DENND1B: variants seen among roughly 807,000 people sequenced by gnomAD.
DENND1B encodes the protein DENN domain containing 1B, also known as DENN domain-containing protein 1B.
A neutral mutation model predicts 90.1 loss-of-function variants in DENND1B; 59 were observed. The ratio of observed to expected loss-of-function variants is 0.65; its 90% CI spans 0.53 to 0.81. DENND1B has a LOEUF of 0.81. DENND1B is among the 40% of genes least tolerant of loss of function. The pLI is 0.00. For synonymous variants in DENND1B, 337 were observed against 324.6 expected (o/e 1.04, Z -0.41); for missense variants, 862 against 912.6 (o/e 0.94, Z 0.71).
At chr1:197,662,108 T>C (rs943536387) in intron 5 of DENND1B, among the ~76,000 whole-genome samples, 1 of 152,054 alleles carries the variant, frequency 6.6e-6, no homozygotes, top group Non-Finnish European at 1.5e-5. Context: ...AAACTATGAC[T>C]TCATCTATAA....
intron 20 of DENND1B, among the ~76,000 whole-genome samples, chr1:197,524,513 C>T (rs932738637): frequency 5.3e-5 from 8 of 152,008 alleles, no homozygotes; most frequent in Non-Finnish European, 1.0e-4. Context: ...TTTACATTCC[C>T]GCAGGGGGTC....
intron 2 of DENND1B, among the ~76,000 whole-genome samples, chr1:197,720,416 T>G (rs1571493077): frequency 1.3e-5 from 2 of 152,122 alleles, no homozygotes; most frequent in East Asian, 3.9e-4. Flanking sequence ...TTTTTTTTTC[T>G]TTTTTGTAAA....
intron 2 of DENND1B, among the ~76,000 whole-genome samples, chr1:197,731,078 G>T (rs962238446): frequency 6.6e-6 from 1 of 151,990 alleles, no homozygotes; most frequent in East Asian, 1.9e-4. Flanking sequence ...AGAAAGTTTC[G>T]AGGAATAGCA....
At chr1:197,660,281 C>CT (rs1175082018) in intron 5 of DENND1B, among the ~76,000 whole-genome samples, 1 of 151,756 alleles carries the variant, frequency 6.6e-6, no homozygotes, top group Non-Finnish European at 1.5e-5. Context: ...ATGTGTATAC[C>CT]TATGTAACAA....
At chr1:197,603,103 CTT>C (rs1408271392) in intron 13 of DENND1B, among the ~76,000 whole-genome samples, 2 of 151,328 alleles carry the variant, frequency 1.3e-5, no homozygotes, top group Non-Finnish European at 3.0e-5. Flanking sequence ...TACAATAACT[CTT>C]AAGTGTACCA....
At chr1:197,704,677 C>T (rs756478913) in intron 3 of DENND1B, among the ~76,000 whole-genome samples, 11 of 152,024 alleles carry the variant, frequency 7.2e-5, no homozygotes, top group African/African-American at 2.4e-4. Context: ...CCAGTGCCTA[C>T]GGGTACTAAC....
chr1:197,756,396 G>A (rs1415056773), intron 2 of DENND1B, among the ~76,000 whole-genome samples: 2 of 151,942 alleles, frequency 1.3e-5, no homozygotes, highest in Admixed American at 6.6e-5. Flanking sequence ...CCAACAAAGC[G>A]AAACCACATC....
chr1:197,524,197 T>G (rs950367354), intron 20 of DENND1B, among the ~76,000 whole-genome samples: 2 of 152,160 alleles, frequency 1.3e-5, no homozygotes, highest in African/African-American at 4.8e-5. Flanking sequence ...TCTAATTCAT[T>G]CTGCTCCCAA....
intron 2 of DENND1B, among the ~76,000 whole-genome samples, chr1:197,718,324 T>C (rs1489888688): frequency 6.6e-6 from 1 of 151,856 alleles, no homozygotes; most frequent in Non-Finnish European, 1.5e-5. Flanking sequence ...GTACAAAATA[T>C]TCTTTTAAGT....
At chr1:197,551,869 C>A (rs1206279286) in intron 16 of DENND1B, among the ~76,000 whole-genome samples, 1 of 152,006 alleles carries the variant, frequency 6.6e-6, no homozygotes, top group Non-Finnish European at 1.5e-5. Context: ...CTGAAGGAAG[C>A]AAGGAGCTGA....
At chr1:197,781,645 C>T in the DENND1B span, among the ~76,000 whole-genome samples, 13 of 152,212 alleles carry the variant, frequency 8.5e-5, no homozygotes, top group African/African-American at 1.2e-4. Context: ...GGTGGGGATT[C>T]GGGATCAATA....
rs4026518 is a variant in DENND1B, at chr1:197,569,563, TAC to T, written c.1149+13587_1149+13588del. 7.5e-3 allele frequency among the ~76,000 whole-genome samples: 1,110 copies of T among 148,144 alleles called. 12 individuals are homozygous for T. The highest frequency in any genetic ancestry group is 0.022 in the African/African-American group (908 of 40,408). Reference sequence around the variant, plus strand: ...ATGAATACAAAAAGAAAATGTGGTATACACACACACACACACACACACACACA... The same window carrying T: ...ATGAATACAAAAAGAAAATGTGGTATACACACACACACACACACACACACA... On this transcript the variant is annotated intron_variant, in intron 15 of 22. Coordinates refer to ENST00000620048, the MANE Select transcript of DENND1B (RefSeq NM_001195215.2).
At chr1:197,570,811 A>G (rs1475424767) in intron 15 of DENND1B, among the ~76,000 whole-genome samples, 4 of 152,166 alleles carry the variant, frequency 2.6e-5, no homozygotes, top group Non-Finnish European at 5.9e-5. Flanking sequence ...TAATAATAAA[A>G]AACATGTTAA....
chr1:197,540,990 A>T lies in DENND1B; in HGVS notation c.1376T>A (p.Leu459Gln), dbSNP rs1218988457. The T allele has an allele frequency of 6.2e-7, 1 of 1,612,822 alleles. No individual in the cohort carries two copies. The highest frequency in any genetic ancestry group is 8.5e-7 in the Non-Finnish European group (1 of 1,179,298). The change falls in exon 19 of 23, where the codon CTA (leucine) becomes CAA (glutamine). Residue 459 changes from leucine to glutamine, a missense_variant. By Grantham distance (113) the Leu-to-Gln change is moderately radical. Transcript: ENST00000620048. ...TTTTAGTTTACTCTTCACTTCCTTTAGTCCCAGCTTTGCATGATTTTTTGC... is the reference window on the plus strand; with the variant it reads ...TTTTAGTTTACTCTTCACTTCCTTTTGTCCCAGCTTTGCATGATTTTTTGC... The part of the protein sequence containing the change: ...KFAKNHAKLG[L>Q]KEVKSKLKHK...
chr1:197,528,839 G>A (rs1669338255), intron 20 of DENND1B, among the ~76,000 whole-genome samples: 2 of 143,528 alleles, frequency 1.4e-5, no homozygotes, highest in Non-Finnish European at 3.0e-5. Context: ...CAGCCTGGGT[G>A]ACAGAGCGAG....
Position 197,510,892 on chromosome 1 carries a change from C to A in DENND1B, c.1896G>T (p.Gly632=), listed in dbSNP as rs1236236974. 12 of 1,604,716 alleles carry A rather than the reference C, an allele frequency of 7.5e-6. No homozygotes were observed. Among genetic ancestry groups the A allele is most frequent in the Non-Finnish European group, 1.0e-5 (12 of 1,175,772 alleles). The change falls in exon 23 of 23, where the codon GGG becomes GGT. Residue 632 remains glycine, a synonymous_variant. Coordinates refer to ENST00000620048, the MANE Select transcript of DENND1B (RefSeq NM_001195215.2). ...GSGDQAEWNL[G]QDDSALHGKH... ...TGCCATGGAGGGCACTATCGTCTTG[C>A]CCAAGATTCCACTCTGCTTGGTCAC... is the stretch of plus-strand genomic sequence containing the variant.
chr1:197,543,031 C>G (rs1670457380), intron 18 of DENND1B, among the ~76,000 whole-genome samples: 1 of 151,958 alleles, frequency 6.6e-6, no homozygotes, highest in Non-Finnish European at 1.5e-5. Context: ...ACCTCCCAGG[C>G]TCCAGCAATT....
chr1:197,630,444 G>A (rs761046459), intron 10 of DENND1B, among the ~76,000 whole-genome samples: 1 of 152,062 alleles, frequency 6.6e-6, no homozygotes, highest in Non-Finnish European at 1.5e-5. Flanking sequence ...TTGCATTTAT[G>A]AGGGCTCATG....
intron 2 of DENND1B, among the ~76,000 whole-genome samples, chr1:197,737,180 A>G (rs902518288): frequency 6.6e-6 from 1 of 152,112 alleles, no homozygotes; most frequent in African/African-American, 2.4e-5. Context: ...GCACACCAAT[A>G]AACCTGACAG....
Sources: allele counts gnomAD v4.1 joint callset (sites outside exome capture counted in the v4.1 genomes callset), GRCh38; gene constraint gnomAD v4.1.1; transcripts MANE v1.5; gene names NCBI Gene and HGNC (gene_info 2026-07-23, HGNC 2026-07-21).